NEIL2: variants seen among roughly 807,000 people sequenced by gnomAD.
NEIL2 encodes the protein nei like DNA glycosylase 2, also known as endonuclease 8-like 2.
In NEIL2, 23 loss-of-function variants were observed where a neutral mutation model predicts 22.2. The observed-to-expected ratio is 1.04, with a 90% CI of 0.75 to 1.47. NEIL2 has a LOEUF of 1.47. Ranked by LOEUF, NEIL2 falls within the 40% of genes most tolerant of loss-of-function variation. The pLI is 0.00. For synonymous variants in NEIL2, 229 were observed against 164.8 expected (o/e 1.39, Z -2.99); for missense variants, 583 against 404.7 (o/e 1.44, Z -3.78).
At chr8:11,781,481 G>A (rs893431837) in intron 3 of NEIL2, among the ~76,000 whole-genome samples, 3 of 152,162 alleles carry the variant, frequency 2.0e-5, no homozygotes, top group African/African-American at 7.2e-5. Flanking sequence ...ACTTTCCTTA[G>A]AACCCCCAGC....
chr8:11,780,164 G>C (rs965521533), intron 3 of NEIL2, among the ~76,000 whole-genome samples: 3 of 152,160 alleles, frequency 2.0e-5, no homozygotes, highest in East Asian at 3.9e-4. Flanking sequence ...CCAAGAGGTG[G>C]CTGGGAGAAG....
At position 11,784,813 on chromosome 8, in the gene NEIL2, AATAAG is replaced by A. The variant is rs371363585; in HGVS notation, c.689-1145_689-1141del. 4.4e-3 allele frequency among the ~76,000 whole-genome samples: 673 copies of A among 152,342 alleles called. 5 individuals carry two copies. The highest frequency in any genetic ancestry group is 0.014 in the Middle Eastern group (4 of 294). On this transcript the variant is annotated intron_variant, in intron 4 of 4. Transcript: ENST00000284503. ...GAGAATGAGGCAGGAGTAGAAAAAT[AATAAG>A]ATAACAGCTCCCGAAACACTTTCTA... is the stretch of plus-strand genomic sequence containing the variant.
chr8:11,773,737 A>G (rs1029027343), intron 2 of NEIL2, among the ~76,000 whole-genome samples: 1 of 152,160 alleles, frequency 6.6e-6, no homozygotes, highest in Admixed American at 6.5e-5. Context: ...ACTCTGTGCC[A>G]TCTGTTTGTC....
chr8:11,770,996 A>G (rs542461691), intron 1 of NEIL2, among the ~76,000 whole-genome samples: 6 of 152,250 alleles, frequency 3.9e-5, no homozygotes, highest in Non-Finnish European at 7.4e-5. Flanking sequence ...GGTCCCTTCA[A>G]AAGTGGGAAA....
intron 2 of NEIL2, among the ~76,000 whole-genome samples, chr8:11,772,198 G>A (rs192913363): frequency 1.1e-4 from 16 of 145,272 alleles, no homozygotes; most frequent in East Asian, 8.4e-4. Flanking sequence ...GTGAGACTCC[G>A]TCTCAAAAAA....
At chr8:11,774,237 T>A (rs922330419) in intron 2 of NEIL2, among the ~76,000 whole-genome samples, 2 of 152,098 alleles carry the variant, frequency 1.3e-5, no homozygotes, top group African/African-American at 2.4e-5. Flanking sequence ...TAGCTGGGCA[T>A]GGTGGTGGGC....
chr8:11,778,051 A>C (rs549327842), intron 2 of NEIL2, among the ~76,000 whole-genome samples: 2 of 152,328 alleles, frequency 1.3e-5, no homozygotes, highest in South Asian at 4.1e-4. Flanking sequence ...AATAAGCTTA[A>C]TTAATGATTA....
chr8:11,783,653 A>G (rs1161281043), intron 4 of NEIL2, among the ~76,000 whole-genome samples: 1 of 152,240 alleles, frequency 6.6e-6, no homozygotes, highest in Non-Finnish European at 1.5e-5. Context: ...CTCTGCCAGC[A>G]GCGTTGGAGC....
At chr8:11,781,657 G>A (rs372575413) in intron 3 of NEIL2, among the ~76,000 whole-genome samples, 3 of 152,084 alleles carry the variant, frequency 2.0e-5, no homozygotes, top group Admixed American at 2.0e-4. Context: ...TTTTTACCTG[G>A]TTAGGTCTCT....
intron 2 of NEIL2, among the ~76,000 whole-genome samples, chr8:11,778,451 A>G (rs184780832): frequency 7.9e-5 from 12 of 152,306 alleles, no homozygotes; most frequent in Admixed American, 5.9e-4. Flanking sequence ...GTACTAATTA[A>G]CAAGTTAAAG....
intron 4 of NEIL2, among the ~76,000 whole-genome samples, chr8:11,784,263 C>T (rs1181419059): frequency 1.3e-5 from 2 of 152,148 alleles, no homozygotes; most frequent in Non-Finnish European, 1.5e-5. Flanking sequence ...GAAGAGCCGT[C>T]GGAAGTGGCT....
intron 2 of NEIL2, among the ~76,000 whole-genome samples, chr8:11,775,196 G>A (rs187456190): frequency 1.3e-4 from 20 of 152,344 alleles, no homozygotes; most frequent in African/African-American, 2.4e-4. Context: ...TGGACATCCC[G>A]TTGTTTCTAT....
Position 11,786,010 on chromosome 8 carries a change from C to T in NEIL2, c.736C>T (p.Leu246Phe), listed in dbSNP as rs767128371. 16 of 1,614,056 alleles carry T rather than the reference C, an allele frequency of 9.9e-6. No homozygotes were observed. Among genetic ancestry groups the T allele is most frequent in the Non-Finnish European group, 1.4e-5 (16 of 1,180,028 alleles). The change falls in exon 5 of 5, where the codon CTT becomes TTT. Residue 246 changes from leucine to phenylalanine, a missense_variant. Physicochemically the swap from Leu to Phe is conservative, Grantham distance 22. Transcript: ENST00000284503. ...EALYRAGIHP[L>F]SLGSVLSASR... ...CTTGTACAGAGCTGGGATCCATCCC[C>T]TTTCTCTCGGTTCAGTCCTGAGTGC...
chr8:11,783,460 G>A, intron 4 of NEIL2, 61 bp downstream of exon 4: 1 of 1,508,616 alleles, frequency 6.6e-7, no homozygotes, highest in Non-Finnish European at 9.2e-7. Flanking sequence ...TCGGTCCTGT[G>A]GGAGTCAGAA....
chr8:11,782,259 A>T (rs1240647418), intron 3 of NEIL2, among the ~76,000 whole-genome samples: 4 of 151,890 alleles, frequency 2.6e-5, no homozygotes, highest in Non-Finnish European at 5.9e-5. Context: ...CCCCATCTCT[A>T]CTAAAAGTAC....
At chr8:11,771,054 C>A (rs897867085) in intron 1 of NEIL2, among the ~76,000 whole-genome samples, 1 of 152,060 alleles carries the variant, frequency 6.6e-6, no homozygotes, top group African/African-American at 2.4e-5. Flanking sequence ...AGAGCGGGAG[C>A]AGGGGGACAG....
intron 2 of NEIL2, among the ~76,000 whole-genome samples, chr8:11,775,415 G>C (rs938498539): frequency 6.6e-6 from 1 of 152,220 alleles, no homozygotes; most frequent in Non-Finnish European, 1.5e-5. Context: ...AGCAGAGGGG[G>C]CCCTGGATCT....
In NEIL2 at chr8:11,785,952, C is replaced by T. The variant is rs1211098639; in HGVS notation, c.689-11C>T. 1 of 1,613,132 alleles carries T rather than the reference C, an allele frequency of 6.2e-7. No homozygotes were observed. The highest frequency in any genetic ancestry group is 1.7e-5 in the Admixed American group (1 of 60,014). ...TTTGTCCTTCCCTTACCTTCCCCCG[C>T]TTTATTTCAGGGAACATCATTAAGA... On this transcript the variant is annotated splice_polypyrimidine_tract_variant and intron_variant, in intron 4 of 4. Transcript: ENST00000284503.
At chr8:11,780,965 GTCC>G (rs1434935480) in intron 3 of NEIL2, among the ~76,000 whole-genome samples, 1 of 152,112 alleles carries the variant, frequency 6.6e-6, no homozygotes, top group Non-Finnish European at 1.5e-5. Flanking sequence ...TTTCAAGTCT[GTCC>G]TCTGTCCTTT....
Sources: allele counts gnomAD v4.1 joint callset (sites outside exome capture counted in the v4.1 genomes callset), GRCh38; gene constraint gnomAD v4.1.1; transcripts MANE v1.5; gene names NCBI Gene and HGNC (gene_info 2026-07-23, HGNC 2026-07-21).